HELB: variants seen among roughly 807,000 people sequenced by gnomAD.
HELB encodes the protein DNA 5'-3' helicase B.
Under a neutral mutation model 101.7 loss-of-function variants are expected in HELB, and 96 were observed. The observed-to-expected ratio is 0.94, with a 90% CI of 0.80 to 1.12. HELB has a LOEUF of 1.12. Among genes scored for constraint, HELB ranks in the 50% most tolerant of loss-of-function variants. HELB has a pLI of 0.00. For missense variants in HELB, 1,210 were observed against 1,291.9 expected, an observed-to-expected ratio of 0.94 and a Z score of 0.97; for synonymous variants, 437 against 459.7, an observed-to-expected ratio of 0.95 and a Z score of 0.63.
At chr12:66,329,920 A>C (rs1023527945) in intron 11 of HELB, among the ~76,000 whole-genome samples, 5 of 152,192 alleles carry the variant, frequency 3.3e-5, no homozygotes, top group Admixed American at 2.0e-4. Flanking sequence ...CATTTATGTC[A>C]ATTTCTGAGA....
At chr12:66,340,020 T>C (rs1428946448), downstream of HELB, 1 of 152,256 alleles carries the variant, frequency 6.6e-6, no homozygotes, top group Non-Finnish European at 1.5e-5. Flanking sequence ...CATCAGTTGA[T>C]GGACATTTAT....
intron 1 of HELB, among the ~76,000 whole-genome samples, chr12:66,303,745 A>G (rs1183325428): frequency 6.6e-6 from 1 of 152,254 alleles, no homozygotes; most frequent in Non-Finnish European, 1.5e-5. Context: ...TAAACCTTGT[A>G]TAAGTAGTTT....
rs183524656 is a variant in HELB, at chr12:66,323,039, A to G, written c.2297+256A>G. On this transcript the variant is annotated intron_variant, in intron 9 of 12. Transcript: ENST00000247815. ...TTTGGTTTCAACCTTGGCAGCCTTCAGCTTCTCCAAGATAAGCATGGGGAG... is the reference window on the plus strand; with the variant it reads ...TTTGGTTTCAACCTTGGCAGCCTTCGGCTTCTCCAAGATAAGCATGGGGAG... Among the ~76,000 whole-genome samples, 1,314 of 152,180 alleles carry G rather than the reference A, an allele frequency of 8.6e-3. 28 individuals carry two copies. The highest frequency in any genetic ancestry group is 0.029 in the African/African-American group (1,215 of 41,526).
At chr12:66,318,115 A>G (rs76187362) in intron 6 of HELB, among the ~76,000 whole-genome samples, 13,582 of 152,250 alleles carry the variant, frequency 0.089, 1,554 homozygotes, top group African/African-American at 0.26. Context: ...AAGGAGAAGA[A>G]TATAATGTAA....
At position 66,325,145 on chromosome 12, in the gene HELB, C is replaced by G. The variant is rs1014099764; in HGVS notation, c.2670+19C>G. The G allele has an allele frequency of 6.5e-7, 1 of 1,528,074 alleles. No homozygotes were observed. The highest frequency in any genetic ancestry group is 2.3e-5 in the East Asian group (1 of 44,350). The allele number at this position is 1,528,074 out of a possible 1,614,324, so 94.7% of individuals were successfully genotyped here. A position where few individuals can be genotyped will look rare whatever the true frequency, so the allele number is the denominator to read the frequency against. On this transcript the variant is annotated intron_variant, in intron 11 of 12. Transcript: ENST00000247815. ...TTTTCAGGTAAGAGGAGACTTTTAT[C>G]AAACCTTTTAAATAATTTACCAACC...
At chr12:66,334,330 T>A (rs1321905048) in intron 12 of HELB, among the ~76,000 whole-genome samples, 1 of 151,724 alleles carries the variant, frequency 6.6e-6, no homozygotes, top group Non-Finnish European at 1.5e-5. Context: ...AACTTGGTAG[T>A]GCATATCTGT....
At chr12:66,327,935 A>C (rs1299345559) in intron 11 of HELB, among the ~76,000 whole-genome samples, 1 of 152,202 alleles carries the variant, frequency 6.6e-6, no homozygotes, top group Non-Finnish European at 1.5e-5. Context: ...CATTTTATCC[A>C]AAGATTTGAA....
chr12:66,302,624 C>T lies in HELB; in HGVS notation c.21C>T (p.Tyr7=). The T allele has an allele frequency of 6.2e-7, 1 of 1,613,952 alleles. No homozygotes were observed. Among genetic ancestry groups the T allele is most frequent in the Non-Finnish European group, 8.5e-7 (1 of 1,179,836 alleles). ...GAAGCATGGCCAGGTCGAGTCCGTA[C>T]CTGCGCCAACTTCAGGGACCTCTGC... MARSSP[Y]LRQLQGPLLP... The change falls in exon 1 of 13, where the codon TAC becomes TAT. Residue 7 remains tyrosine, a synonymous_variant. Transcript: ENST00000247815.
At position 66,310,561 on chromosome 12, in the gene HELB, G is replaced by A. The variant is rs1407727661; in HGVS notation, c.1633G>A (p.Gly545Ser). 1.9e-6 allele frequency: 3 copies of A among 1,614,032 alleles called. No homozygotes were observed. Among genetic ancestry groups the A allele is most frequent in the South Asian group, 1.1e-5 (1 of 91,082 alleles). ...LLTAPTGKAA[G>S]LLRQKTGLHA... is the part of the protein sequence containing the mutation. ...CACAGCACCTACAGGGAAAGCAGCT[G>A]GCTTACTAAGACAGAAAACTGGTCT... The change falls in exon 4 of 13, where the codon GGC becomes AGC. Residue 545 changes from glycine (G) to serine (S), a missense_variant. Gly to Ser is a moderately conservative substitution (Grantham distance 56). Transcript: ENST00000247815.
chr12:66,337,220 G>T (rs924804225), intron 12 of HELB, among the ~76,000 whole-genome samples: 1 of 150,360 alleles, frequency 6.7e-6, no homozygotes, highest in African/African-American at 2.4e-5. Flanking sequence ...GGAGGGGGAA[G>T]TTTCTTCTTT....
intron 1 of HELB, among the ~76,000 whole-genome samples, chr12:66,303,425 A>C (rs1337484599): frequency 6.6e-6 from 1 of 151,730 alleles, no homozygotes; most frequent in East Asian, 1.9e-4. Flanking sequence ...GACCAGCCTG[A>C]CCAACATGGT....
intron 3 of HELB, among the ~76,000 whole-genome samples, chr12:66,309,227 C>G (rs138155630): frequency 5.9e-5 from 9 of 152,084 alleles, no homozygotes; most frequent in African/African-American, 2.2e-4. Flanking sequence ...ATATAGAAAC[C>G]AAAGAAACAC....
In HELB at chr12:66,314,149, A is replaced by G; in HGVS notation, c.1844A>G (p.Lys615Arg). Residue 615 changes from lysine (K) to arginine (R), a missense_variant, in exon 5 of 13, where the codon AAG (lysine) becomes AGG (arginine). Physicochemically the swap from Lys to Arg is conservative, Grantham distance 26. Transcript: ENST00000247815. ...NLLCEHSKLS[K>R]LIILGDIRQL... Reference sequence around the variant, plus strand: ...TTGTGTGAGCACTCCAAACTTTCTAAGCTTATTATCCTTGGTAAGTTAAAA... The same window carrying G: ...TTGTGTGAGCACTCCAAACTTTCTAGGCTTATTATCCTTGGTAAGTTAAAA... The G allele has an allele frequency of 6.2e-7, 1 of 1,613,074 alleles. No individual in the cohort carries two copies. Among genetic ancestry groups the G allele is most frequent in the Non-Finnish European group, 8.5e-7 (1 of 1,179,238 alleles).
chr12:66,341,628 A>G (rs2053918964), downstream of HELB: 1 of 152,154 alleles, frequency 6.6e-6, no homozygotes, highest in South Asian at 2.1e-4. Context: ...AATTAACCTG[A>G]TAGTATCTGA....
intron 3 of HELB, among the ~76,000 whole-genome samples, chr12:66,306,931 T>C (rs1032352440): frequency 3.3e-5 from 5 of 152,232 alleles, no homozygotes; most frequent in Non-Finnish European, 7.3e-5. Context: ...GTTTGAACTA[T>C]TGACAATTTT....
chr12:66,338,893 C>G (rs2053896105), downstream of HELB: 1 of 152,224 alleles, frequency 6.6e-6, no homozygotes, highest in Non-Finnish European at 1.5e-5. Flanking sequence ...GGGGCCCAGC[C>G]TACCTGGGAC....
In HELB at chr12:66,318,751, A is replaced by T; in HGVS notation, c.2114A>T (p.Glu705Val). 6.2e-7 allele frequency: 1 copy of T among 1,610,906 alleles called. No individual in the cohort carries two copies. Among genetic ancestry groups the T allele is most frequent in the Non-Finnish European group, 8.5e-7 (1 of 1,178,984 alleles). ...KTFIFVRLPE[E>V]DASSQSSKTN... ...TTTATTTTTGTCAGGCTCCCAGAAG[A>T]GGATGCCAGTTCTCAGTCATCTAAA... Residue 705 changes from glutamate (E) to valine (V), a missense_variant, in exon 7 of 13, where the codon GAG (glutamate) becomes GTG (valine). Physicochemically the swap from Glu to Val is moderately radical, Grantham distance 121. Coordinates refer to ENST00000247815, the MANE Select transcript of HELB (RefSeq NM_001370285.1).
chr12:66,318,607 T>C, intron 6 of HELB, 31 bp from the exon 7 acceptor site: 2 of 1,567,300 alleles, frequency 1.3e-6, no homozygotes, highest in South Asian at 2.4e-5. Flanking sequence ...ATGATAATGT[T>C]CTTTGTGTGT....
intron 11 of HELB, among the ~76,000 whole-genome samples, chr12:66,327,035 C>CAAAAAAAAAAAAAAAAA: frequency 2.4e-5 from 1 of 41,702 alleles, no homozygotes; most frequent in Non-Finnish European, 3.9e-5. Context: ...GACTTCATCT[C>CAAAAAAAAAAAAAAAAA]AAAAAAAAAA....
Sources: allele counts gnomAD v4.1 joint callset (sites outside exome capture counted in the v4.1 genomes callset), GRCh38; gene constraint gnomAD v4.1.1; transcripts MANE v1.5; gene names NCBI Gene and HGNC (gene_info 2026-07-23, HGNC 2026-07-21).